The following FAM184B variants were observed in gnomAD, a reference collection of about 807,000 sequenced individuals.
The protein encoded by FAM184B is protein FAM184B.
In FAM184B, 111 loss-of-function variants were observed where a neutral mutation model predicts 135.9. The observed-to-expected ratio is 0.82, with a 90% CI of 0.70 to 0.96. The LOEUF (loss-of-function observed/expected upper bound fraction) is 0.96, where lower values mean the gene tolerates loss of function less well. Among genes scored for constraint, FAM184B ranks in the 40% least tolerant of loss-of-function variants. FAM184B has a pLI of 0.00. For missense variants in FAM184B, 1,375 were observed against 1,323.9 expected (o/e 1.04, Z -0.60); for synonymous variants, 552 against 524.8 (o/e 1.05, Z -0.71).
At chr4:17,652,788 G>A (rs1225340997) in intron 11 of FAM184B, 42 bp downstream of exon 11, 5 of 1,527,186 alleles carry the variant, frequency 3.3e-6, no homozygotes, top group South Asian at 1.2e-5. Context: ...TGCAGACCCT[G>A]CAGTTGGCCA....
At chr4:17,704,594 TG>T (rs1371630956) in intron 5 of FAM184B, among the ~76,000 whole-genome samples, 1 of 152,238 alleles carries the variant, frequency 6.6e-6, no homozygotes, top group East Asian at 1.9e-4. Context: ...TTAAATCACT[TG>T]AAGTGTGGTG....
At chr4:17,734,402 A>C (rs1457974855) in intron 1 of FAM184B, among the ~76,000 whole-genome samples, 2 of 151,864 alleles carry the variant, frequency 1.3e-5, no homozygotes, top group Non-Finnish European at 2.9e-5. Flanking sequence ...GCAACCTACA[A>C]AATGGGAGAA....
chr4:17,713,139 C>G (rs1159962502), intron 1 of FAM184B, among the ~76,000 whole-genome samples: 2 of 152,314 alleles, frequency 1.3e-5, no homozygotes, highest in South Asian at 4.1e-4. Context: ...CATTACTCTC[C>G]ATCCCCAGTG....
intron 2 of FAM184B, 96 bp downstream of exon 2, chr4:17,708,796 C>T: frequency 7.4e-7 from 1 of 1,353,896 alleles, no homozygotes; most frequent in Non-Finnish European, 9.7e-7. Flanking sequence ...CCGTAGAAGG[C>T]AAGTGCTTAG....
Position 17,708,663 on chromosome 4 carries a change from C to CTATACATATATATA in FAM184B, c.894+228_894+229insTATATATATGTATA, listed in dbSNP as rs1228433126. On this transcript the variant is annotated intron_variant, in intron 2 of 17. Coordinates refer to ENST00000265018, the MANE Select transcript of FAM184B (RefSeq NM_015688.2). ...CCGTCTCAAAAATAAGGAAACAAAA[C>CTATACATATATATA]TATATATATATATATATATATATAT... Among the ~76,000 whole-genome samples the CTATACATATATATA allele has an allele frequency of 4.3e-3, 73 of 16,988 alleles. 6 individuals are homozygous for CTATACATATATATA. The highest frequency in any genetic ancestry group is 8.8e-3 in the South Asian group (3 of 342). 11.1% of individuals were successfully genotyped at this position (16,988 alleles called of 152,430 possible).
chr4:17,686,070 T>A (rs1577260274), intron 7 of FAM184B, among the ~76,000 whole-genome samples: 1 of 152,186 alleles, frequency 6.6e-6, no homozygotes, highest in African/African-American at 2.4e-5. Flanking sequence ...CCGGTCCATC[T>A]CCCTGCCACA....
chr4:17,774,898 T>C (rs1170986493), intron 1 of FAM184B, among the ~76,000 whole-genome samples: 1 of 152,138 alleles, frequency 6.6e-6, no homozygotes, highest in African/African-American at 2.4e-5. Flanking sequence ...TTCTATATGA[T>C]GAAATGAAAT....
chr4:17,748,706 G>A (rs924045288), intron 1 of FAM184B, among the ~76,000 whole-genome samples: 3 of 151,686 alleles, frequency 2.0e-5, no homozygotes, highest in Non-Finnish European at 2.9e-5. Flanking sequence ...TTGTAGACAC[G>A]AGGTCTTATT....
chr4:17,766,864 C>T (rs1486386908), intron 1 of FAM184B, among the ~76,000 whole-genome samples: 7 of 152,190 alleles, frequency 4.6e-5, no homozygotes, highest in African/African-American at 9.7e-5. Context: ...CAGGGGGCAG[C>T]GCTCATTGGG....
Position 17,642,159 on chromosome 4 carries a change from C to T in FAM184B, c.2416G>A (p.Gly806Arg), listed in dbSNP as rs1454184817. 3 of 1,533,254 alleles carry T rather than the reference C, an allele frequency of 2.0e-6. No individual in the cohort carries two copies. The South Asian group carries it at 3.6e-5, about 18-fold the overall frequency. 95.0% of individuals were successfully genotyped at this position (1,533,254 alleles called of 1,614,324 possible). A position where few individuals can be genotyped will look rare whatever the true frequency, so the allele number is the denominator to read the frequency against. Reference sequence around the variant, plus strand: ...AGCTGCGCGTTCTCCTCCCAGAGCCCGCATCCCTCGCCGGAACCCTGCCCA... The same window carrying T: ...AGCTGCGCGTTCTCCTCCCAGAGCCTGCATCCCTCGCCGGAACCCTGCCCA... ...AAGQGSGEGC[G>R]LWEENAQLQD... The change falls in exon 13 of 18, where the codon GGG becomes AGG. Residue 806 changes from glycine to arginine, a missense_variant. Physicochemically the swap from Gly to Arg is moderately radical, Grantham distance 125 (BLOSUM62 -2). Transcript: ENST00000265018.
intron 1 of FAM184B, among the ~76,000 whole-genome samples, chr4:17,729,206 G>A (rs1462521846): frequency 2.6e-5 from 4 of 152,202 alleles, no homozygotes; most frequent in Non-Finnish European, 4.4e-5. Flanking sequence ...GGGGAGGGGC[G>A]CCTGCCATTG....
chr4:17,659,271 ATTTT>A (rs927465986), intron 9 of FAM184B, among the ~76,000 whole-genome samples: 1 of 150,918 alleles, frequency 6.6e-6, no homozygotes. Context: ...ATGCCCGGTA[ATTTT>A]TTTTTATTTT....
chr4:17,653,147 G>A (rs1715674185), intron 10 of FAM184B, among the ~76,000 whole-genome samples, 164 bp from the exon 11 acceptor site: 2 of 149,616 alleles, frequency 1.3e-5, no homozygotes, highest in African/African-American at 5.1e-5. Flanking sequence ...CCTGGCCACA[G>A]CAGCCATTTT....
At chr4:17,656,704 CT>C (rs201486495) in intron 10 of FAM184B, among the ~76,000 whole-genome samples, 1 of 152,040 alleles carries the variant, frequency 6.6e-6, no homozygotes, top group South Asian at 2.1e-4. Context: ...GCTCGACTTT[CT>C]TTTTTTTAAA....
At chr4:17,633,423 C>A (rs1715024014) in intron 17 of FAM184B, 2 of 328,082 alleles carry the variant, frequency 6.1e-6, no homozygotes, top group African/African-American at 2.1e-5. Context: ...ATATGGAGAC[C>A]TGGAGAGGTC....
intron 7 of FAM184B, among the ~76,000 whole-genome samples, chr4:17,687,926 A>G (rs1048281050): frequency 1.3e-5 from 2 of 152,188 alleles, no homozygotes; most frequent in Non-Finnish European, 2.9e-5. Flanking sequence ...CTAGAGAACA[A>G]TCCAACCCAC....
intron 12 of FAM184B, among the ~76,000 whole-genome samples, chr4:17,643,646 G>A (rs7692688): frequency 0.032 from 4,878 of 152,208 alleles, 245 homozygotes; most frequent in African/African-American, 0.11. Flanking sequence ...CTAACCACTG[G>A]GCTAACCTGT....
rs112697504 is a variant in FAM184B, at chr4:17,677,896, C to T, written c.1596+10528G>A. 9.8e-4 allele frequency among the ~76,000 whole-genome samples: 149 copies of T among 152,224 alleles called. 5 individuals carry two copies. Among genetic ancestry groups the T allele is most frequent in the African/African-American group, 3.4e-3 (142 of 41,556 alleles). On this transcript the variant is annotated intron_variant, in intron 7 of 17. Transcript: ENST00000265018. ...GCAAGTCAATAAATGTGATATACCACATAAACAATTAAAACAAAAAAATCA... is the reference window on the plus strand; with the variant it reads ...GCAAGTCAATAAATGTGATATACCATATAAACAATTAAAACAAAAAAATCA...
At chr4:17,730,635 G>GA (rs1180391297) in intron 1 of FAM184B, among the ~76,000 whole-genome samples, 1 of 151,954 alleles carries the variant, frequency 6.6e-6, no homozygotes, top group Non-Finnish European at 1.5e-5. Flanking sequence ...AAAAGATGGG[G>GA]AAAAAACAGA....
Sources: gnomAD v4.1 joint callset for allele counts (sites outside exome capture counted in the v4.1 genomes callset) on GRCh38, gnomAD v4.1.1 for gene constraint, MANE v1.5 for transcripts, NCBI Gene and HGNC (gene_info 2026-07-23, HGNC 2026-07-21) for gene names.